LITAF: variants seen among roughly 807,000 people sequenced by gnomAD.
LITAF encodes the protein lipopolysaccharide induced TNF factor.
LITAF carries 9 observed loss-of-function variants against 14.5 expected under a neutral mutation model. That is an observed-to-expected ratio of 0.62 (90% CI 0.37 to 1.08). LITAF has a LOEUF of 1.08. Ranked by LOEUF, LITAF falls within the 50% of genes least tolerant of loss-of-function variation. The pLI is 0.01. For missense variants in LITAF, 206 were observed against 213.4 expected, an observed-to-expected ratio of 0.97 and a Z score of 0.22; for synonymous variants, 98 against 88.2, an observed-to-expected ratio of 1.11 and a Z score of -0.62.
At chr16:11,629,365 G>A (rs1196249821) in intron 3 of LITAF, among the ~76,000 whole-genome samples, 2 of 152,376 alleles carry the variant, frequency 1.3e-5, no homozygotes, top group Non-Finnish European at 1.5e-5. Context: ...GTTCTCAGAA[G>A]AGGGGAGTAA....
rs1438417041 is a variant in LITAF, at chr16:11,605,340, C to A, written c.85+28193G>T. The stretch of plus-strand genomic sequence containing the variant: ...GCAGGTCTGGCTATGTCTTCAGAAA[C>A]CCCCACGAGGCCCAGGATTCCTCCC... On this transcript the variant is annotated intron_variant, in intron 3 of 3. Transcript: ENST00000574848. The surrounding 1 kb of genome is among the most constrained non-coding windows in gnomAD (Gnocchi z 4.7). Among the ~76,000 whole-genome samples the A allele has an allele frequency of 6.6e-6, 1 of 152,176 alleles. No individual in the cohort carries two copies. The highest frequency in any genetic ancestry group is 1.5e-5 in the Non-Finnish European group (1 of 68,030).
rs1353015960 is a variant in LITAF, at chr16:11,634,634, T to C, written c.-20-997A>G. Among the ~76,000 whole-genome samples the C allele has an allele frequency of 6.6e-6, 1 of 152,206 alleles. No individual in the cohort carries two copies. On this transcript the variant is annotated intron_variant, in intron 2 of 3. Coordinates refer to the LITAF transcript ENST00000574848. The surrounding 1 kb of genome is among the most constrained non-coding windows in gnomAD (Gnocchi z 4.1). ...ACATGAGGACCATTTTCCATAACCCTATGATTGCATCCCCAACCAGTCAGC... is the reference window on the plus strand; with the variant it reads ...ACATGAGGACCATTTTCCATAACCCCATGATTGCATCCCCAACCAGTCAGC...
At chr16:11,582,371 T>G (rs890709161) in intron 1 of LITAF, among the ~76,000 whole-genome samples, 2 of 144,830 alleles carry the variant, frequency 1.4e-5, no homozygotes, top group African/African-American at 5.1e-5. Context: ...CACATGTGGG[T>G]GGTAAACTCT....
chr16:11,610,609 T>C (rs1185030769), intron 3 of LITAF, among the ~76,000 whole-genome samples: 4 of 151,982 alleles, frequency 2.6e-5, no homozygotes, highest in East Asian at 1.9e-4. Context: ...AAGGGAACAA[T>C]GGGATGGAGC....
At chr16:11,616,315 A>AT (rs922609328) in intron 3 of LITAF, among the ~76,000 whole-genome samples, 3 of 152,064 alleles carry the variant, frequency 2.0e-5, no homozygotes, top group Non-Finnish European at 4.4e-5. Context: ...CTCTAAAAAA[A>AT]TTTTTTATTA....
At chr16:11,556,831 A>G in intron 1 of LITAF, 96 bp from the exon 2 acceptor site, 1 of 1,097,730 alleles carries the variant, frequency 9.1e-7, no homozygotes, top group South Asian at 1.3e-5. Flanking sequence ...GCAAACAGAA[A>G]TTCTGAGAAA....
chr16:11,616,439 T>C (rs550239082), intron 3 of LITAF, among the ~76,000 whole-genome samples: 2 of 150,816 alleles, frequency 1.3e-5, no homozygotes, highest in East Asian at 2.0e-4. Context: ...ATTGTGCCAC[T>C]GCACTCCAGC....
intron 1 of LITAF, among the ~76,000 whole-genome samples, chr16:11,593,337 C>G (rs1238761199): frequency 5.0e-5 from 4 of 79,724 alleles, no homozygotes; most frequent in African/African-American, 2.1e-4. Flanking sequence ...GCATGGGAGA[C>G]AAGCGAAACT....
upstream of LITAF, among the ~76,000 whole-genome samples, chr16:11,638,105 T>G (rs561801747): frequency 1.1e-3 from 81 of 71,898 alleles, 4 homozygotes; most frequent in African/African-American, 3.5e-3. Context: ...TCTATATATA[T>G]ATATCTATCT....
chr16:11,553,521 A>T lies in LITAF; in HGVS notation c.377+12T>A, dbSNP rs2064215293. 1 of 1,613,754 alleles carries T rather than the reference A, an allele frequency of 6.2e-7. No homozygotes were observed. Among genetic ancestry groups the T allele is most frequent in the East Asian group, 2.2e-5 (1 of 44,874 alleles). On this transcript the variant is annotated intron_variant, in intron 3 of 3. Coordinates refer to ENST00000622633, the MANE Select transcript of LITAF (RefSeq NM_001136472.2). The surrounding 1 kb of genome is among the most constrained non-coding windows in gnomAD (Gnocchi z 7.7). ...GCAGGATGGCTTGGGGCCAAGTGGGAGGCAGACTCACCCCAGCAGGCACAG... is the reference window on the plus strand; with the variant it reads ...GCAGGATGGCTTGGGGCCAAGTGGGTGGCAGACTCACCCCAGCAGGCACAG...
intron 3 of LITAF, among the ~76,000 whole-genome samples, chr16:11,627,138 C>A (rs2065088934): frequency 6.6e-6 from 1 of 152,194 alleles, no homozygotes. Flanking sequence ...CCAAGCCTGG[C>A]CAGTGGCTAC....
At chr16:11,615,515 C>T (rs1327861377) in intron 3 of LITAF, among the ~76,000 whole-genome samples, 2 of 151,722 alleles carry the variant, frequency 1.3e-5, no homozygotes, top group Non-Finnish European at 2.9e-5. Context: ...GCAGCCGGGG[C>T]AAAAAGAGTG....
intron 3 of LITAF, chr16:11,551,624 C>T: frequency 1.9e-6 from 1 of 533,252 alleles, no homozygotes; most frequent in East Asian, 3.3e-5. Flanking sequence ...AGTTCAAGAC[C>T]AGCCTGGGCA....
intron 3 of LITAF, among the ~76,000 whole-genome samples, chr16:11,604,862 C>T (rs1197316033): frequency 2.0e-5 from 3 of 151,716 alleles, no homozygotes; most frequent in Admixed American, 6.6e-5. Flanking sequence ...TGAAACGCTG[C>T]GTCAAACTGC....
intron 3 of LITAF, among the ~76,000 whole-genome samples, chr16:11,631,853 C>CTTTTTT (rs34507448): frequency 3.0e-5 from 4 of 134,532 alleles, no homozygotes; most frequent in Non-Finnish European, 4.9e-5. Flanking sequence ...CTTTTCTTTT[C>CTTTTTT]TTTTTTTTTT....
chr16:11,597,350 G>C (rs894930941), intron 1 of LITAF, among the ~76,000 whole-genome samples: 1 of 152,134 alleles, frequency 6.6e-6, no homozygotes, highest in Non-Finnish European at 1.5e-5. Context: ...TGGGGGTGTG[G>C]GGAGAGGCTG....
intron 3 of LITAF, among the ~76,000 whole-genome samples, chr16:11,631,312 C>T (rs915955121): frequency 2.0e-5 from 3 of 152,220 alleles, no homozygotes; most frequent in Non-Finnish European, 4.4e-5. Flanking sequence ...CCTGGAGGAT[C>T]TAGGGAGGGT....
chr16:11,555,802 CTGTATT>C (rs1237471743), intron 2 of LITAF, among the ~76,000 whole-genome samples: 2 of 152,136 alleles, frequency 1.3e-5, no homozygotes, highest in Non-Finnish European at 2.9e-5. Context: ...AACGAGTACT[CTGTATT>C]TGGCACACAC....
intron 3 of LITAF, among the ~76,000 whole-genome samples, chr16:11,604,884 G>T (rs938231180): frequency 1.3e-5 from 2 of 151,974 alleles, no homozygotes; most frequent in African/African-American, 2.4e-5. Flanking sequence ...TCCTGAAGAG[G>T]CTGGGACCCA....
Sources: allele counts gnomAD v4.1 joint callset (sites outside exome capture counted in the v4.1 genomes callset), GRCh38; gene constraint gnomAD v4.1.1; non-coding constraint Gnocchi (gnomAD v3.1); transcripts MANE v1.5; gene names NCBI Gene and HGNC (gene_info 2026-07-23, HGNC 2026-07-21).